Variants in EML5 observed in about 807,000 individuals in gnomAD.
EML5 encodes the protein EMAP like 5, also known as echinoderm microtubule-associated protein-like 5.
EML5 carries 120 observed loss-of-function variants against 250.0 expected under a neutral mutation model. The ratio of observed to expected loss-of-function variants is 0.48; its 90% CI spans 0.41 to 0.56. EML5 has a LOEUF of 0.56. EML5 is among the 20% of genes least tolerant of loss of function. EML5 has a pLI of 0.00. For synonymous variants in EML5, 771 were observed against 806.5 expected (o/e 0.96, Z 0.75); for missense variants, 2,006 against 2,437.6 (o/e 0.82, Z 3.73).
At chr14:88,721,074 A>C (rs1043955290) in intron 8 of EML5, among the ~76,000 whole-genome samples, 1 of 152,148 alleles carries the variant, frequency 6.6e-6, no homozygotes, top group Non-Finnish European at 1.5e-5. Context: ...GAGAAGTGAA[A>C]GACCTCTTTA....
At chr14:88,739,383 T>C (rs548789459) in intron 5 of EML5, among the ~76,000 whole-genome samples, 57 of 152,288 alleles carry the variant, frequency 3.7e-4, no homozygotes, top group African/African-American at 1.3e-3. Flanking sequence ...TGAGTATGTG[T>C]AGATTTTGGT....
chr14:88,774,741 G>A (rs928445134), intron 1 of EML5, among the ~76,000 whole-genome samples: 3 of 152,066 alleles, frequency 2.0e-5, no homozygotes, highest in Admixed American at 2.0e-4. Context: ...CCATTTATTA[G>A]ATCCTTTATC....
In EML5 at chr14:88,616,991, T is replaced by C. The variant is rs1007235289; in HGVS notation, c.5643-112A>G. The stretch of plus-strand genomic sequence containing the variant: ...AAGTACCCTATCATGTTACTTAAAA[T>C]ACAGGAAGTAAATTATGGTAAGTTG... On this transcript the variant is annotated intron_variant, in intron 41 of 43. Transcript: ENST00000554922. The C allele has an allele frequency of 3.1e-5, 29 of 949,112 alleles. No individual in the cohort carries two copies. The African/African-American group carries it at 4.7e-4, about 15-fold the overall frequency. The allele number at this position is 949,112 out of a possible 1,614,324, so 58.8% of individuals were successfully genotyped here.
At chr14:88,713,736 G>A (rs1054054639) in intron 9 of EML5, among the ~76,000 whole-genome samples, 22 of 151,340 alleles carry the variant, frequency 1.5e-4, no homozygotes, top group African/African-American at 5.3e-4. Flanking sequence ...GATTACAGGC[G>A]TGAGGCACTG....
intron 7 of EML5, among the ~76,000 whole-genome samples, chr14:88,733,731 T>TA (rs1323273317): frequency 6.6e-6 from 1 of 152,026 alleles, no homozygotes. Context: ...TAGCATACCA[T>TA]AAAAAACATC....
intron 9 of EML5, among the ~76,000 whole-genome samples, chr14:88,712,905 A>G (rs1002483454): frequency 6.6e-6 from 1 of 152,208 alleles, no homozygotes; most frequent in Admixed American, 6.5e-5. Context: ...GAAAAGACCA[A>G]GAAGAAAGGA....
intron 1 of EML5, among the ~76,000 whole-genome samples, chr14:88,759,707 G>A (rs1381524581): frequency 1.3e-5 from 1 of 74,594 alleles, no homozygotes; most frequent in Non-Finnish European, 2.4e-5. Flanking sequence ...AAAAAAAACT[G>A]GGGAGAAAAA....
At chr14:88,645,081 C>T (rs921640474) in intron 29 of EML5, among the ~76,000 whole-genome samples, 4 of 151,972 alleles carry the variant, frequency 2.6e-5, no homozygotes, top group East Asian at 1.9e-4. Context: ...GGCTGGAGTG[C>T]CGTGGCACAT....
intron 1 of EML5, among the ~76,000 whole-genome samples, chr14:88,756,779 C>T (rs1176937230): frequency 6.6e-6 from 1 of 152,008 alleles, no homozygotes; most frequent in Non-Finnish European, 1.5e-5. Context: ...AAACAAAGTA[C>T]AAGATTTGTA....
intron 21 of EML5, among the ~76,000 whole-genome samples, chr14:88,666,280 G>A (rs2092304778): frequency 1.3e-5 from 2 of 152,178 alleles, no homozygotes; most frequent in African/African-American, 2.4e-5. Context: ...AGGGTGGAGT[G>A]CAATGGCATG....
intron 1 of EML5, 118 bp from the exon 2 acceptor site, chr14:88,754,789 G>T (rs1253398376): frequency 2.2e-6 from 2 of 907,124 alleles, no homozygotes. Context: ...ATCCACTTTA[G>T]ACAATTTGGA....
chr14:88,717,756 A>AAAC (rs147401940), intron 8 of EML5, among the ~76,000 whole-genome samples: 23,283 of 150,778 alleles, frequency 0.15, 1,975 homozygotes, highest in East Asian at 0.36. Flanking sequence ...CTCCGTCTCA[A>AAAC]AACAACAACA....
intron 1 of EML5, among the ~76,000 whole-genome samples, chr14:88,755,658 C>T (rs181475944): frequency 6.6e-6 from 1 of 151,908 alleles, no homozygotes; most frequent in Non-Finnish European, 1.5e-5. Flanking sequence ...CCTGGCATCA[C>T]GGTGGAGAAT....
chr14:88,710,712 C>T (rs933656202), intron 10 of EML5, among the ~76,000 whole-genome samples: 1 of 152,040 alleles, frequency 6.6e-6, no homozygotes, highest in African/African-American at 2.4e-5. Flanking sequence ...AAATAGAAAT[C>T]ATCCTTACTA....
intron 10 of EML5, among the ~76,000 whole-genome samples, chr14:88,710,250 G>A (rs569739640): frequency 1.3e-5 from 2 of 152,330 alleles, no homozygotes; most frequent in South Asian, 2.1e-4. Flanking sequence ...TTAAAGTGCA[G>A]TATGTAGGGT....
rs114021104 is a variant in EML5 at position 88,781,188 on chromosome 14, T to C, written c.197+11119A>G. On this transcript the variant is annotated intron_variant, in intron 1 of 43. Coordinates refer to ENST00000554922, the MANE Select transcript of EML5 (RefSeq NM_183387.3). ...TACAAATACAATGCTCATGCTGTTT[T>C]CTGTGCATATACAAAGTGATAAATC... is the stretch of plus-strand genomic sequence containing the variant. Among the ~76,000 whole-genome samples the C allele has an allele frequency of 5.1e-3, 773 of 152,340 alleles. 4 individuals are homozygous for C. The highest frequency in any genetic ancestry group is 0.018 in the African/African-American group (745 of 41,578).
chr14:88,744,039 C>T lies in EML5; in HGVS notation c.509G>A (p.Gly170Asp). ...LYQPNKLVSC[G>D]VKHIKFWSLC... ...TTCTAGTACCTTGATATGTTTTACA[C>T]CACAGCTGACAAGTTTATTTGGCTG... The change falls in exon 4 of 44, where the codon GGT (glycine) becomes GAT (aspartate). Residue 170 changes from glycine to aspartate, a missense_variant. Transcript: ENST00000554922. 1.3e-6 allele frequency: 2 copies of T among 1,573,362 alleles called. No homozygotes were observed. Among genetic ancestry groups the T allele is most frequent in the Non-Finnish European group, 1.7e-6 (2 of 1,156,312 alleles).
intron 2 of EML5, among the ~76,000 whole-genome samples, chr14:88,747,582 C>T (rs767236492): frequency 4.0e-4 from 60 of 151,886 alleles, no homozygotes; most frequent in Non-Finnish European, 7.4e-4. Flanking sequence ...ATAAGCTTAA[C>T]GTGAGAAATA....
intron 19 of EML5, among the ~76,000 whole-genome samples, chr14:88,685,551 T>C (rs936704578): frequency 2.0e-4 from 30 of 152,226 alleles, no homozygotes; most frequent in African/African-American, 7.2e-4. Flanking sequence ...CCAAAGTCTA[T>C]GGATGCTCAA....
Sources: gnomAD v4.1 joint callset for allele counts (sites outside exome capture counted in the v4.1 genomes callset) on GRCh38, gnomAD v4.1.1 for gene constraint, MANE v1.5 for transcripts, NCBI Gene and HGNC (gene_info 2026-07-23, HGNC 2026-07-21) for gene names.